The following CTNND2 variants were observed in gnomAD, a reference collection of about 807,000 sequenced individuals.
The protein encoded by CTNND2 is catenin delta 2, also known as catenin delta-2.
CTNND2 carries 22 observed loss-of-function variants against 144.4 expected under a neutral mutation model. The ratio of observed to expected loss-of-function variants is 0.15; its 90% CI spans 0.11 to 0.22. The LOEUF is 0.22. CTNND2 is among the 10% of genes least tolerant of loss of function. The probability of loss-of-function intolerance (pLI) is 1.00; values close to 1 mark genes in which losing one functional copy is unlikely to be tolerated. For missense variants in CTNND2, 1,353 were observed against 1,618.8 expected, an observed-to-expected ratio of 0.84 and a Z score of 2.82; for synonymous variants, 751 against 695.6, an observed-to-expected ratio of 1.08 and a Z score of -1.25.
At chr5:11,153,872 T>G (rs1011717626) in intron 12 of CTNND2, among the ~76,000 whole-genome samples, 1 of 152,148 alleles carries the variant, frequency 6.6e-6, no homozygotes, top group African/African-American at 2.4e-5. Flanking sequence ...CAGCTGGAGA[T>G]AAAGTCCTAA....
chr5:11,596,112 T>C (rs1779491447), intron 2 of CTNND2, among the ~76,000 whole-genome samples: 1 of 152,180 alleles, frequency 6.6e-6, no homozygotes, highest in Non-Finnish European at 1.5e-5. Flanking sequence ...CTGGGAGTAT[T>C]TTTTGTTTAT....
At chr5:11,340,096 A>C (rs567548748) in intron 9 of CTNND2, among the ~76,000 whole-genome samples, 1 of 152,030 alleles carries the variant, frequency 6.6e-6, no homozygotes, top group South Asian at 2.1e-4. Flanking sequence ...CCCACTGGCT[A>C]CCCTCCTCCA....
intron 1 of CTNND2, among the ~76,000 whole-genome samples, chr5:11,823,329 G>A (rs1793420560): frequency 1.3e-5 from 2 of 152,122 alleles, no homozygotes; most frequent in Non-Finnish European, 2.9e-5. Context: ...TTTGTGCTGG[G>A]TGTGCGTTGG....
intron 3 of CTNND2, among the ~76,000 whole-genome samples, chr5:11,504,155 T>A (rs747355368): frequency 1.3e-5 from 2 of 152,200 alleles, no homozygotes; most frequent in Non-Finnish European, 2.9e-5. Flanking sequence ...AAGATAACCA[T>A]GAAGAGTGCA....
At chr5:11,664,440 A>G (rs545398327) in intron 2 of CTNND2, among the ~76,000 whole-genome samples, 3 of 152,208 alleles carry the variant, frequency 2.0e-5, no homozygotes, top group East Asian at 1.9e-4. Context: ...AAAATACACA[A>G]ATTAGTTGGG....
chr5:11,547,564 AAAAT>A (rs1775358031), intron 3 of CTNND2, among the ~76,000 whole-genome samples: 1 of 152,160 alleles, frequency 6.6e-6, no homozygotes, highest in African/African-American at 2.4e-5. Context: ...TAAAATAACT[AAAAT>A]AAAAGACAAA....
chr5:11,003,484 A>T (rs2149515548), intron 18 of CTNND2, among the ~76,000 whole-genome samples: 1 of 152,368 alleles, frequency 6.6e-6, no homozygotes, highest in Admixed American at 6.5e-5. Context: ...CACATTAAGC[A>T]GAGAATGAAA....
chr5:11,810,918 T>C (rs1229375575), intron 1 of CTNND2, among the ~76,000 whole-genome samples: 1 of 152,192 alleles, frequency 6.6e-6, no homozygotes, highest in South Asian at 2.1e-4. Context: ...GTGGTACTTA[T>C]GTCTATTTCC....
intron 10 of CTNND2, 58 bp from the exon 11 acceptor site, chr5:11,199,719 C>G: frequency 7.8e-7 from 1 of 1,280,354 alleles, no homozygotes; most frequent in Non-Finnish European, 1.1e-6. Flanking sequence ...CTACCTACAC[C>G]AAAACATGTT....
chr5:11,054,951 T>C (rs1388621222), intron 16 of CTNND2, among the ~76,000 whole-genome samples: 1 of 152,204 alleles, frequency 6.6e-6, no homozygotes, highest in Non-Finnish European at 1.5e-5. Context: ...AGAGCCTTAA[T>C]GTGTTTTCTG....
At chr5:11,759,196 G>GTT (rs60462457) in intron 1 of CTNND2, among the ~76,000 whole-genome samples, 11 of 151,716 alleles carry the variant, frequency 7.3e-5, no homozygotes, top group South Asian at 2.1e-4. Context: ...TTATGTCACT[G>GTT]TTTTTTTAAC....
intron 13 of CTNND2, 144 bp from the exon 14 acceptor site, chr5:11,111,187 G>T: frequency 2.5e-6 from 2 of 791,490 alleles, no homozygotes; most frequent in Non-Finnish European, 3.9e-6. Flanking sequence ...CTCCCCTGAT[G>T]GCCACAGTGG....
At chr5:11,521,906 C>T (rs1164891384) in intron 3 of CTNND2, among the ~76,000 whole-genome samples, 1 of 152,176 alleles carries the variant, frequency 6.6e-6, no homozygotes, top group Non-Finnish European at 1.5e-5. Context: ...CAATTTATAA[C>T]CTCTCCTTTC....
At chr5:11,272,625 G>C (rs1746138523) in intron 9 of CTNND2, among the ~76,000 whole-genome samples, 1 of 152,094 alleles carries the variant, frequency 6.6e-6, no homozygotes, top group African/African-American at 2.4e-5. Flanking sequence ...ATCGTAGGTG[G>C]TCCCCAGGTG....
intron 1 of CTNND2, among the ~76,000 whole-genome samples, chr5:11,873,401 A>G (rs1444580629): frequency 6.6e-6 from 1 of 152,218 alleles, no homozygotes; most frequent in Non-Finnish European, 1.5e-5. Flanking sequence ...AGTACAGCAG[A>G]TCTGCTCCCA....
chr5:11,669,547 C>T (rs562074629), intron 2 of CTNND2, among the ~76,000 whole-genome samples: 14 of 152,238 alleles, frequency 9.2e-5, no homozygotes, highest in Admixed American at 3.3e-4. Flanking sequence ...AGTTTATTTG[C>T]GTACAGGTGT....
At chr5:11,277,146 T>C (rs867385315) in intron 9 of CTNND2, among the ~76,000 whole-genome samples, 340 of 152,282 alleles carry the variant, frequency 2.2e-3, no homozygotes, top group Non-Finnish European at 3.9e-3. Context: ...CCTTGCCTTT[T>C]TTTTTCTTTC....
intron 1 of CTNND2, among the ~76,000 whole-genome samples, chr5:11,761,812 A>T (rs948826132): frequency 6.6e-6 from 1 of 152,180 alleles, no homozygotes; most frequent in Non-Finnish European, 1.5e-5. Context: ...TTATACAAAA[A>T]ATGTGTAGCT....
chr5:11,112,347 T>C (rs903832884), intron 13 of CTNND2, among the ~76,000 whole-genome samples: 11 of 152,098 alleles, frequency 7.2e-5, no homozygotes, highest in Admixed American at 2.6e-4. Flanking sequence ...GAGAAGGACA[T>C]GGCTGACCAT....
Sources: gnomAD v4.1 joint callset for allele counts (sites outside exome capture counted in the v4.1 genomes callset) on GRCh38, gnomAD v4.1.1 for gene constraint, MANE v1.5 for transcripts, NCBI Gene and HGNC (gene_info 2026-07-23, HGNC 2026-07-21) for gene names.